FHIT: variants seen among roughly 807,000 people sequenced by gnomAD.
FHIT encodes the protein bis(5'-adenosyl)-triphosphatase.
In FHIT, 19 loss-of-function variants were observed where a neutral mutation model predicts 17.9. That is an observed-to-expected ratio of 1.06 (90% confidence interval 0.74 to 1.56). The LOEUF is 1.56. Ranked by LOEUF, FHIT falls within the 40% of genes most tolerant of loss-of-function variation. The pLI is 0.00. For missense variants in FHIT, 248 were observed against 189.2 expected (o/e 1.31, Z -1.82); for synonymous variants, 81 against 69.7 (o/e 1.16, Z -0.81).
At chr3:60,566,633 A>G (rs1462779430) in intron 4 of FHIT, among the ~76,000 whole-genome samples, 1 of 152,142 alleles carries the variant, frequency 6.6e-6, no homozygotes, top group Non-Finnish European at 1.5e-5. Flanking sequence ...AGAAGGAAAT[A>G]AAGGGCATTC....
chr3:60,076,818 C>T (rs904750203), intron 5 of FHIT, among the ~76,000 whole-genome samples: 1 of 151,426 alleles, frequency 6.6e-6, no homozygotes, highest in African/African-American at 2.4e-5. Context: ...AAAACCCAAA[C>T]ACTATGTTTT....
At chr3:60,941,802 T>G (rs1004110979) in intron 3 of FHIT, among the ~76,000 whole-genome samples, 16 of 152,180 alleles carry the variant, frequency 1.1e-4, no homozygotes, top group African/African-American at 3.6e-4. Context: ...ATTTTCTTTC[T>G]GCTCTGTATT....
Position 59,874,548 on chromosome 3 carries a change from C to T in FHIT, c.348+47798G>A, listed in dbSNP as rs761719338. 7.9e-5 allele frequency among the ~76,000 whole-genome samples: 12 copies of T among 152,082 alleles called. 1 individual carries two copies. Among genetic ancestry groups the T allele is most frequent in the Admixed American group, 7.9e-4 (12 of 15,276 alleles). ...CTGGTCCAGGGATCTAGAAGATGCC[C>T]GCTGCTCCCTGCTTATTCCCTCACA... On this transcript the variant is annotated intron_variant, in intron 8 of 9. Transcript: ENST00000492590.
Position 60,177,266 on chromosome 3 carries a change from T to TAAA in FHIT, c.104-163117_104-163115dup, listed in dbSNP as rs746547888. 6.9e-4 allele frequency among the ~76,000 whole-genome samples: 91 copies of TAAA among 131,900 alleles called. 1 individual carries two copies. The highest frequency in any genetic ancestry group is 2.5e-3 in the African/African-American group (89 of 36,162). The allele number at this position is 131,900 out of a possible 152,430, so 86.5% of individuals were successfully genotyped here. A position where few individuals can be genotyped will look rare whatever the true frequency, so the allele number is the denominator to read the frequency against. On this transcript the variant is annotated intron_variant, in intron 5 of 9. Coordinates refer to ENST00000492590, the MANE Select transcript of FHIT (RefSeq NM_002012.4). The stretch of plus-strand genomic sequence containing the variant: ...GGGAAATAATACAATAAGCCAAGGT[T>TAAA]AAAAAAAAAAAAAAGCTAGAAGAAG...
At chr3:60,470,262 G>A (rs1446948541) in intron 5 of FHIT, among the ~76,000 whole-genome samples, 1 of 152,072 alleles carries the variant, frequency 6.6e-6, no homozygotes, top group South Asian at 2.1e-4. Flanking sequence ...ATAAGTATAT[G>A]GGAAATCCTG....
intron 1 of FHIT, among the ~76,000 whole-genome samples, chr3:61,209,766 T>C (rs2039393401): frequency 1.3e-5 from 2 of 152,202 alleles, no homozygotes; most frequent in Non-Finnish European, 2.9e-5. Context: ...AACTTCCTCC[T>C]TTAGCTCGGA....
chr3:60,663,039 C>T (rs568032136), intron 4 of FHIT, among the ~76,000 whole-genome samples: 11 of 150,188 alleles, frequency 7.3e-5, no homozygotes, highest in African/African-American at 2.4e-4. Flanking sequence ...ATCATTTGAG[C>T]CTATTTATGG....
intron 2 of FHIT, among the ~76,000 whole-genome samples, chr3:61,188,892 C>CT (rs955651761): frequency 2.0e-5 from 3 of 152,068 alleles, no homozygotes; most frequent in Non-Finnish European, 4.4e-5. Flanking sequence ...ACCCTTCATG[C>CT]TAAAAACTCT....
In FHIT at chr3:59,787,800, C is replaced by A. The variant is rs544900731; in HGVS notation, c.349-35479G>T. ...TGAGGTTTAGAGATTATGTATCCTG[C>A]CAAGGTCACTCGGTTCAGTTGGGAT... is the stretch of plus-strand genomic sequence containing the variant. On this transcript the variant is annotated intron_variant, in intron 8 of 9. Transcript: ENST00000492590. Among the ~76,000 whole-genome samples the A allele has an allele frequency of 2.0e-5, 3 of 152,316 alleles. No homozygotes were observed. In the East Asian group the frequency reaches 5.8e-4, roughly 29 times the overall value.
chr3:60,521,373 G>C (rs967963339), intron 5 of FHIT, among the ~76,000 whole-genome samples: 2 of 151,932 alleles, frequency 1.3e-5, no homozygotes, highest in African/African-American at 2.4e-5. Context: ...TCAACCTCCC[G>C]AGTAGCTGGG....
chr3:60,743,788 G>A (rs1182156666), intron 4 of FHIT, among the ~76,000 whole-genome samples: 3 of 152,154 alleles, frequency 2.0e-5, no homozygotes, highest in Admixed American at 6.5e-5. Flanking sequence ...ACAGGTCCAG[G>A]GGACCAGAAC....
chr3:61,091,176 A>G (rs553929803), intron 2 of FHIT, among the ~76,000 whole-genome samples: 22 of 152,348 alleles, frequency 1.4e-4, no homozygotes, highest in African/African-American at 4.3e-4. Flanking sequence ...AACACATGGA[A>G]GAGAAATGGT....
chr3:60,777,239 G>C (rs575241692), intron 4 of FHIT, among the ~76,000 whole-genome samples: 1 of 152,312 alleles, frequency 6.6e-6, no homozygotes, highest in African/African-American at 2.4e-5. Flanking sequence ...GAGAACATGT[G>C]CCCAAGGTGG....
chr3:60,047,775 T>G (rs961664455), intron 5 of FHIT, among the ~76,000 whole-genome samples: 9 of 152,200 alleles, frequency 5.9e-5, no homozygotes, highest in African/African-American at 1.9e-4. Context: ...GACCACTCAG[T>G]GCCATACTAA....
intron 5 of FHIT, among the ~76,000 whole-genome samples, chr3:60,456,455 G>A (rs2032100239): frequency 6.6e-6 from 1 of 152,172 alleles, no homozygotes; most frequent in African/African-American, 2.4e-5. Flanking sequence ...GGAACACTAT[G>A]TACCTTCTTA....
intron 3 of FHIT, among the ~76,000 whole-genome samples, chr3:60,837,551 C>T (rs782187532): frequency 2.0e-5 from 3 of 152,130 alleles, no homozygotes; most frequent in Non-Finnish European, 2.9e-5. Flanking sequence ...TTAAACAATT[C>T]TGCTAATCTC....
intron 8 of FHIT, among the ~76,000 whole-genome samples, chr3:59,771,410 C>A (rs17061182): frequency 0.026 from 3,940 of 152,280 alleles, 184 homozygotes; most frequent in African/African-American, 0.088. Context: ...CCAAGAATAT[C>A]TCCTGGAATA....
chr3:60,129,433 G>A (rs191628627), intron 5 of FHIT, among the ~76,000 whole-genome samples: 35 of 152,226 alleles, frequency 2.3e-4, no homozygotes, highest in Admixed American at 3.9e-4. Flanking sequence ...CAAGTGTCCT[G>A]TACATGTAAA....
At chr3:61,023,137 C>T (rs1043589704) in intron 3 of FHIT, among the ~76,000 whole-genome samples, 1 of 152,208 alleles carries the variant, frequency 6.6e-6, no homozygotes, top group African/African-American at 2.4e-5. Context: ...TAAGCAACTT[C>T]AGCAAAGTCT....
Sources: allele counts gnomAD v4.1 joint callset (sites outside exome capture counted in the v4.1 genomes callset), GRCh38; gene constraint gnomAD v4.1.1; transcripts MANE v1.5; gene names NCBI Gene and HGNC (gene_info 2026-07-23, HGNC 2026-07-21).